The following CYP4F22 variants were observed in gnomAD, a reference collection of about 807,000 sequenced individuals.
The protein encoded by CYP4F22 is ultra-long-chain fatty acid omega-hydroxylase.
In CYP4F22, 37 loss-of-function variants were observed where a neutral mutation model predicts 60.4. The observed-to-expected ratio is 0.61, with a 90% CI of 0.47 to 0.81. CYP4F22 has a LOEUF of 0.81. CYP4F22 is among the 30% of genes least tolerant of loss of function. CYP4F22 has a pLI of 0.00. For synonymous variants in CYP4F22, 258 were observed against 280.5 expected, an observed-to-expected ratio of 0.92 and a Z score of 0.80; for missense variants, 655 against 715.0, an observed-to-expected ratio of 0.92 and a Z score of 0.96.
intron 1 of CYP4F22, among the ~76,000 whole-genome samples, chr19:15,513,970 T>C (rs1243810388): frequency 2.6e-5 from 4 of 152,218 alleles, no homozygotes; most frequent in Non-Finnish European, 5.9e-5. Context: ...TCATATCCTG[T>C]AGTGTAGTGA....
chr19:15,519,357 C>T (rs751254621), intron 1 of CYP4F22, among the ~76,000 whole-genome samples: 2 of 151,812 alleles, frequency 1.3e-5, no homozygotes, highest in African/African-American at 2.4e-5. Context: ...CTGCCTCCCA[C>T]GCTCAAGCGA....
chr19:15,513,586 G>C (rs952580793), intron 1 of CYP4F22, among the ~76,000 whole-genome samples: 3 of 151,856 alleles, frequency 2.0e-5, no homozygotes, highest in Non-Finnish European at 4.4e-5. Context: ...GGATGGTCTC[G>C]ATCTCCTGAC....
chr19:15,526,582 G>A (rs1368326033), intron 3 of CYP4F22, among the ~76,000 whole-genome samples: 5 of 152,110 alleles, frequency 3.3e-5, no homozygotes, highest in African/African-American at 1.2e-4. Flanking sequence ...AGATTACTGA[G>A]GCACAGAGAG....
At chr19:15,514,505 G>T (rs1181090511) in intron 1 of CYP4F22, among the ~76,000 whole-genome samples, 1 of 152,100 alleles carries the variant, frequency 6.6e-6, no homozygotes, top group African/African-American at 2.4e-5. Context: ...GGCCAAGATG[G>T]TGAAACCCCG....
At chr19:15,512,687 C>A (rs1004840001) in intron 1 of CYP4F22, among the ~76,000 whole-genome samples, 6 of 152,250 alleles carry the variant, frequency 3.9e-5, no homozygotes, top group Admixed American at 2.0e-4. Context: ...AAGTGATCCT[C>A]CCATCTTGGC....
chr19:15,515,384 G>T (rs373633797), intron 1 of CYP4F22: 3 of 1,240,442 alleles, frequency 2.4e-6, no homozygotes, highest in East Asian at 2.8e-5. Flanking sequence ...CCTGTTCTTG[G>T]CATCTCTGTA....
chr19:15,527,557 G>T lies in CYP4F22; in HGVS notation c.222+1999G>T, dbSNP rs1231659466. Among the ~76,000 whole-genome samples, 3 of 152,228 alleles carry T rather than the reference G, an allele frequency of 2.0e-5. No homozygotes were observed. In the East Asian group the frequency reaches 5.8e-4, roughly 29 times the overall value. On this transcript the variant is annotated intron_variant, in intron 3 of 13. Coordinates refer to ENST00000269703, the MANE Select transcript of CYP4F22 (RefSeq NM_173483.4). ...CTAGAGGGAGTGGCCAGGCTCTAGT[G>T]CCTGGAGGAGTTGGCCAGGGTCAGC...
At chr19:15,546,705 T>C (rs979689705) in intron 10 of CYP4F22, among the ~76,000 whole-genome samples, 2 of 152,142 alleles carry the variant, frequency 1.3e-5, no homozygotes, top group African/African-American at 2.4e-5. Context: ...TAAATGATAT[T>C]ATAAGGAGAT....
intron 1 of CYP4F22, among the ~76,000 whole-genome samples, chr19:15,519,642 G>A (rs34155081): frequency 0.17 from 25,432 of 152,042 alleles, 3,097 homozygotes; most frequent in East Asian, 0.64. Context: ...CAGGCTGAGG[G>A]GAGTAGGGAG....
At position 15,537,321 on chromosome 19, in the gene CYP4F22, ACT is replaced by A. The variant is rs753977222; in HGVS notation, c.368-37_368-36del. On this transcript the variant is annotated intron_variant, in intron 4 of 13. Coordinates refer to ENST00000269703, the MANE Select transcript of CYP4F22 (RefSeq NM_173483.4). ...GTAAAAAAAAACAAAAAACCAAAAA[ACT>A]CTGTTTTGAGTCACCATTTTCCCTT... is the stretch of plus-strand genomic sequence containing the variant. 16 of 1,612,590 alleles carry A rather than the reference ACT, an allele frequency of 9.9e-6. 1 individual carries two copies. The South Asian group carries it at 1.5e-4, about 16-fold the overall frequency.
intron 11 of CYP4F22, 85 bp from the exon 12 acceptor site, chr19:15,549,053 G>A (rs1971564999): frequency 1.4e-6 from 2 of 1,479,796 alleles, no homozygotes; most frequent in African/African-American, 2.8e-5. Context: ...GGAACATCAT[G>A]GCTCTAGGGA....
At chr19:15,550,146 G>T (rs1251389532) in intron 12 of CYP4F22, among the ~76,000 whole-genome samples, 2 of 152,070 alleles carry the variant, frequency 1.3e-5, no homozygotes, top group African/African-American at 4.8e-5. Flanking sequence ...GGCCAGGCTG[G>T]TCTTGAACTC....
intron 4 of CYP4F22, among the ~76,000 whole-genome samples, chr19:15,533,705 C>T (rs1971367706): frequency 7.0e-6 from 1 of 143,804 alleles, no homozygotes; most frequent in Admixed American, 7.5e-5. Context: ...TCGAGTGATT[C>T]TCCTCCTGCC....
At chr19:15,536,746 T>C (rs1971398689) in intron 4 of CYP4F22, among the ~76,000 whole-genome samples, 1 of 152,064 alleles carries the variant, frequency 6.6e-6, no homozygotes, top group African/African-American at 2.4e-5. Context: ...ATCTGGTGTA[T>C]GTTGAAGGAT....
chr19:15,549,948 T>C (rs1971575715), intron 12 of CYP4F22, among the ~76,000 whole-genome samples: 1 of 152,076 alleles, frequency 6.6e-6, no homozygotes, highest in Non-Finnish European at 1.5e-5. Flanking sequence ...TATTTGAGAC[T>C]GGGTCTTGCT....
chr19:15,520,327 C>T lies in CYP4F22; in HGVS notation c.-108-3366C>T, dbSNP rs554720690. ...CGCCACTGTACTCCAGCCTGGGCGA[C>T]AGAGCAAGCCTCCATCTCAAAAAAA... On this transcript the variant is annotated intron_variant, in intron 1 of 13. Coordinates refer to ENST00000269703, the MANE Select transcript of CYP4F22 (RefSeq NM_173483.4). Among the ~76,000 whole-genome samples, 17 of 129,326 alleles carry T rather than the reference C, an allele frequency of 1.3e-4. No homozygotes were observed. The East Asian group carries it at 4.2e-3, about 32-fold the overall frequency. 84.8% of individuals were successfully genotyped at this position (129,326 alleles called of 152,430 possible).
intron 12 of CYP4F22, among the ~76,000 whole-genome samples, chr19:15,549,563 C>A (rs1025616847): frequency 2.0e-5 from 3 of 152,266 alleles, no homozygotes; most frequent in Admixed American, 6.5e-5. Context: ...TGCAGTGGCT[C>A]ACACTTGTAA....
chr19:15,523,055 G>A (rs1394897241), intron 1 of CYP4F22, among the ~76,000 whole-genome samples: 1 of 151,752 alleles, frequency 6.6e-6, no homozygotes, highest in African/African-American at 2.4e-5. Flanking sequence ...GGCGTTGGCT[G>A]GCAGAAGACC....
At chr19:15,550,304 CAAAG>C (rs1351129170) in intron 12 of CYP4F22, among the ~76,000 whole-genome samples, 1 of 151,418 alleles carries the variant, frequency 6.6e-6, no homozygotes, top group East Asian at 1.9e-4. Flanking sequence ...AACAAACAAA[CAAAG>C]ACAGACAAAC....
Sources: gnomAD v4.1 joint callset for allele counts (sites outside exome capture counted in the v4.1 genomes callset) on GRCh38, gnomAD v4.1.1 for gene constraint, MANE v1.5 for transcripts, NCBI Gene and HGNC (gene_info 2026-07-23, HGNC 2026-07-21) for gene names.